KHDRBS2: variants seen among roughly 807,000 people sequenced by gnomAD.
The protein encoded by KHDRBS2 is KH RNA binding domain containing, signal transduction associated 2, also known as KH domain-containing, RNA-binding, signal transduction-associated protein 2.
Under a neutral mutation model 44.3 loss-of-function variants are expected in KHDRBS2, and 26 were observed. The ratio of observed to expected loss-of-function variants is 0.59; its 90% confidence interval spans 0.43 to 0.81. The LOEUF (loss-of-function observed/expected upper bound fraction) is 0.81. KHDRBS2 is among the 40% of genes least tolerant of loss of function. The probability of loss-of-function intolerance (pLI) is 0.00; values close to 1 mark genes in which losing one functional copy is unlikely to be tolerated. For missense variants in KHDRBS2, 476 were observed against 433.1 expected (o/e 1.10, Z -0.88); for synonymous variants, 194 against 151.1 (o/e 1.28, Z -2.08).
Position 62,222,832 on chromosome 6 carries a change from C to T in KHDRBS2, c.92-45520G>A, listed in dbSNP as rs754110871. ...GAGTCCATGTCTCACATCCAGGTCA[C>T]GCTGAAGCAAGAGGTGAGTTCCTAT... On this transcript the variant is annotated intron_variant, in intron 1 of 8. Transcript: ENST00000281156. Among the ~76,000 whole-genome samples, 20 of 152,194 alleles carry T rather than the reference C, an allele frequency of 1.3e-4. No individual in the cohort carries two copies. The East Asian group carries it at 2.5e-3, about 19-fold the overall frequency.
intron 3 of KHDRBS2, among the ~76,000 whole-genome samples, chr6:62,021,915 G>T (rs1782398291): frequency 2.0e-5 from 2 of 99,524 alleles, no homozygotes; most frequent in African/African-American, 3.7e-5. Flanking sequence ...GTGAAAAAAG[G>T]TTTTTTGTGT....
At chr6:61,576,329 T>C in the KHDRBS2 span, among the ~76,000 whole-genome samples, 1 of 152,148 alleles carries the variant, frequency 6.6e-6, no homozygotes, top group Non-Finnish European at 1.5e-5. Context: ...CCTAGGTATA[T>C]ATATTTTTTG....
chr6:61,844,317 T>A (rs1347615228), intron 6 of KHDRBS2, among the ~76,000 whole-genome samples: 1 of 152,172 alleles, frequency 6.6e-6, no homozygotes, highest in Non-Finnish European at 1.5e-5. Flanking sequence ...TTATAATATT[T>A]CTCTCCTCAA....
At chr6:61,863,128 A>G (rs1797248340) in intron 6 of KHDRBS2, among the ~76,000 whole-genome samples, 1 of 151,996 alleles carries the variant, frequency 6.6e-6, no homozygotes, top group South Asian at 2.1e-4. Flanking sequence ...GTCAGTGACA[A>G]TATCCCCCTT....
chr6:62,018,309 G>C (rs1439520747), intron 3 of KHDRBS2, among the ~76,000 whole-genome samples: 1 of 6,182 alleles, frequency 1.6e-4, no homozygotes, highest in African/African-American at 2.7e-4. Flanking sequence ...ATGTGTGTGT[G>C]TGTGTGTGTG....
chr6:62,208,219 AT>A (rs1013171483), intron 1 of KHDRBS2, among the ~76,000 whole-genome samples: 1 of 151,946 alleles, frequency 6.6e-6, no homozygotes, highest in African/African-American at 2.4e-5. Flanking sequence ...ATATCTACAA[AT>A]TTTTTTCTTG....
At chr6:62,095,163 C>G (rs527717562) in intron 2 of KHDRBS2, among the ~76,000 whole-genome samples, 1 of 151,480 alleles carries the variant, frequency 6.6e-6, no homozygotes, top group East Asian at 1.9e-4. Context: ...TTTTCTACAT[C>G]TGAAAAAGAA....
At chr6:61,655,255 C>CAA in the KHDRBS2 span, among the ~76,000 whole-genome samples, 1 of 150,288 alleles carries the variant, frequency 6.7e-6, no homozygotes, top group South Asian at 2.1e-4. Flanking sequence ...CACACACACA[C>CAA]ACACACTATT....
At chr6:61,755,475 C>T (rs1411904612) in intron 6 of KHDRBS2, among the ~76,000 whole-genome samples, 1 of 152,026 alleles carries the variant, frequency 6.6e-6, no homozygotes, top group African/African-American at 2.4e-5. Flanking sequence ...ATGTTCAGAA[C>T]CTAAGCAGCT....
At chr6:61,909,721 CCA>C (rs1395560691) in intron 4 of KHDRBS2, among the ~76,000 whole-genome samples, 1 of 152,174 alleles carries the variant, frequency 6.6e-6, no homozygotes, top group East Asian at 1.9e-4. Context: ...GCATAATTCC[CCA>C]GTTACGTACA....
At chr6:61,933,653 G>A (rs1454688532) in intron 4 of KHDRBS2, among the ~76,000 whole-genome samples, 1 of 152,160 alleles carries the variant, frequency 6.6e-6, no homozygotes, top group African/African-American at 2.4e-5. Context: ...CAGCATGTCA[G>A]TGTATTGAAA....
chr6:62,173,637 T>C (rs1820514220), intron 2 of KHDRBS2, among the ~76,000 whole-genome samples: 1 of 151,940 alleles, frequency 6.6e-6, no homozygotes, highest in Non-Finnish European at 1.5e-5. Context: ...CAGGCCTATA[T>C]CCTTGATGAA....
intron 2 of KHDRBS2, among the ~76,000 whole-genome samples, chr6:62,135,622 A>T (rs1811348183): frequency 6.6e-6 from 1 of 152,164 alleles, no homozygotes; most frequent in African/African-American, 2.4e-5. Context: ...ATATGGAAAC[A>T]ACCTCAGTGT....
At chr6:62,084,125 T>C in intron 2 of KHDRBS2, among the ~76,000 whole-genome samples, 1 of 152,298 alleles carries the variant, frequency 6.6e-6, no homozygotes, top group South Asian at 2.1e-4. Context: ...CCTAACGAGA[T>C]ATTGAATAAT....
Position 61,888,087 on chromosome 6 carries a change from C to T in KHDRBS2, c.810+6548G>A, listed in dbSNP as rs1421851661. Among the ~76,000 whole-genome samples, 5 of 152,276 alleles carry T rather than the reference C, an allele frequency of 3.3e-5. No homozygotes were observed. The East Asian group carries it at 9.7e-4, about 29-fold the overall frequency. On this transcript the variant is annotated intron_variant, in intron 6 of 8. Transcript: ENST00000281156. ...TATCAATAGTATGTTCTCCTAGATACGTTTTGGGATGTCTGCCAAGCTCAT... is the reference window on the plus strand; with the variant it reads ...TATCAATAGTATGTTCTCCTAGATATGTTTTGGGATGTCTGCCAAGCTCAT...
At chr6:62,252,467 C>A (rs1317993354) in intron 1 of KHDRBS2, among the ~76,000 whole-genome samples, 1 of 151,882 alleles carries the variant, frequency 6.6e-6, no homozygotes, top group Non-Finnish European at 1.5e-5. Context: ...CTATTCAAAT[C>A]TTATTATAGA....
chr6:61,785,322 C>A (rs551196069), intron 6 of KHDRBS2, among the ~76,000 whole-genome samples: 126 of 151,876 alleles, frequency 8.3e-4, no homozygotes, highest in Non-Finnish European at 1.6e-3. Context: ...TGGCCAATAA[C>A]CATTATTATT....
intron 6 of KHDRBS2, among the ~76,000 whole-genome samples, chr6:61,779,316 A>G (rs9444997): frequency 0.011 from 1,722 of 152,244 alleles, 40 homozygotes; most frequent in African/African-American, 0.04. Context: ...TAACCCATGG[A>G]GTTTCTATGG....
At chr6:61,666,992 T>TG in the KHDRBS2 span, among the ~76,000 whole-genome samples, 1 of 8,472 alleles carries the variant, frequency 1.2e-4, no homozygotes, top group Non-Finnish European at 4.9e-4. Flanking sequence ...ACCTTCTGGG[T>TG]TTTTTTTTTT....
Sources: allele counts gnomAD v4.1 joint callset (sites outside exome capture counted in the v4.1 genomes callset), GRCh38; gene constraint gnomAD v4.1.1; transcripts MANE v1.5; gene names NCBI Gene and HGNC (gene_info 2026-07-23, HGNC 2026-07-21).